The following FOXK1 variants were observed in gnomAD, a reference collection of about 807,000 sequenced individuals.
FOXK1 encodes the protein forkhead box K1.
Under a neutral mutation model 51.9 loss-of-function variants are expected in FOXK1, and 19 were observed. The observed-to-expected ratio is 0.37, with a 90% confidence interval of 0.26 to 0.54. The LOEUF (loss-of-function observed/expected upper bound fraction) is 0.54, where lower values mean the gene tolerates loss of function less well. FOXK1 is among the 20% of genes least tolerant of loss of function. The pLI is 0.87. For synonymous variants in FOXK1, 537 were observed against 482.6 expected (o/e 1.11, Z -1.48); for missense variants, 870 against 1,032.7 (o/e 0.84, Z 2.16).
intron 1 of FOXK1, among the ~76,000 whole-genome samples, chr7:4,693,447 G>T (rs963139415): frequency 6.6e-6 from 1 of 152,152 alleles, no homozygotes; most frequent in Non-Finnish European, 1.5e-5. Flanking sequence ...TTAGTCATTG[G>T]CCTTATTAGC....
chr7:4,710,190 A>G (rs910542564), intron 1 of FOXK1, among the ~76,000 whole-genome samples: 1 of 152,220 alleles, frequency 6.6e-6, no homozygotes, highest in Non-Finnish European at 1.5e-5. Flanking sequence ...TCTAAGCCTC[A>G]GTTTCCTCAG....
chr7:4,754,026 G>A (rs542639178), intron 2 of FOXK1, among the ~76,000 whole-genome samples: 1 of 152,210 alleles, frequency 6.6e-6, no homozygotes, highest in Non-Finnish European at 1.5e-5. Flanking sequence ...GTGACCACAC[G>A]GGGTTGTCCT....
At chr7:4,746,806 G>A (rs1780708292) in intron 2 of FOXK1, among the ~76,000 whole-genome samples, 1 of 152,232 alleles carries the variant, frequency 6.6e-6, no homozygotes, top group South Asian at 2.1e-4. Flanking sequence ...AATCCTGCCT[G>A]GCTGATCTGG....
rs1193745471 is a variant in FOXK1 at position 4,761,739 on chromosome 7, A to C, written c.1922-445A>C. Among the ~76,000 whole-genome samples the C allele has an allele frequency of 6.6e-6, 1 of 152,010 alleles. No individual in the cohort carries two copies. The highest frequency in any genetic ancestry group is 1.5e-5 in the Non-Finnish European group (1 of 68,004). On this transcript the variant is annotated intron_variant, in intron 8 of 8. Transcript: ENST00000328914. The surrounding 1 kb of genome is among the most constrained non-coding windows in gnomAD (Gnocchi z 6.2). ...GGGAAAGAAAACAGGGTGGAAGGAA[A>C]ACCCAGATCTGCCCACTCTCTGGAG...
chr7:4,765,704 C>G lies in FOXK1; in HGVS notation c.*3240C>G, dbSNP rs1325937789. ...TTTGCCCTGTTCGGAAAGGGGCTCC[C>G]TCAGAGCCCCTGGGCCCAGTAACCC... is the stretch of plus-strand genomic sequence containing the variant. On this transcript the variant is annotated 3_prime_UTR_variant, in exon 9 of 9. Transcript: ENST00000328914. The G allele has an allele frequency of 1.3e-5, 2 of 152,258 alleles. No individual in the cohort carries two copies. The highest frequency in any genetic ancestry group is 2.9e-5 in the Non-Finnish European group (2 of 68,066). The allele number at this position is 152,258 out of a possible 1,614,324, so 9.4% of individuals were successfully genotyped here. A position where few individuals can be genotyped will look rare whatever the true frequency, so the allele number is the denominator to read the frequency against.
At chr7:4,738,008 G>A (rs1429387719) in intron 1 of FOXK1, among the ~76,000 whole-genome samples, 1 of 151,988 alleles carries the variant, frequency 6.6e-6, no homozygotes, top group African/African-American at 2.4e-5. Context: ...TGTAGTCCCA[G>A]CTACTCGGGA....
At position 4,748,972 on chromosome 7, in the gene FOXK1, C is replaced by T. The variant is rs923883488; in HGVS notation, c.747-5487C>T. The stretch of plus-strand genomic sequence containing the variant: ...GGGATTACAGGTGTGAGCCACCTCG[C>T]CTGGACCCCCAGGTTCCTGTCCACG... On this transcript the variant is annotated intron_variant, in intron 2 of 8. Transcript: ENST00000328914. This position sits in a 1 kb window ranked among gnomAD's most constrained non-coding sequence, Gnocchi z 4.9. Among the ~76,000 whole-genome samples the T allele has an allele frequency of 6.6e-6, 1 of 152,220 alleles. No homozygotes were observed. The highest frequency in any genetic ancestry group is 1.5e-5 in the Non-Finnish European group (1 of 68,040).
At chr7:4,724,320 C>G (rs1346014233) in intron 1 of FOXK1, among the ~76,000 whole-genome samples, 4 of 152,274 alleles carry the variant, frequency 2.6e-5, no homozygotes, top group African/African-American at 4.8e-5. Context: ...CTCAACCTCT[C>G]GGGTAGCTGG....
In FOXK1 at chr7:4,764,045, A is replaced by T. The variant is rs79845892; in HGVS notation, c.*1581A>T. Reference sequence around the variant, plus strand: ...CCAGGCCCTGGCGGGAGAGCTGCAGAGGGACCCAGGTGCCTGGAGGGCATT... The same window carrying T: ...CCAGGCCCTGGCGGGAGAGCTGCAGTGGGACCCAGGTGCCTGGAGGGCATT... On this transcript the variant is annotated 3_prime_UTR_variant, in exon 9 of 9. Coordinates refer to ENST00000328914, the MANE Select transcript of FOXK1 (RefSeq NM_001037165.2). 7.9e-5 allele frequency: 12 copies of T among 152,566 alleles called. No individual in the cohort carries two copies. In the East Asian group the frequency reaches 2.3e-3, roughly 29 times the overall value. The allele number at this position is 152,566 out of a possible 1,614,324, so 9.5% of individuals were successfully genotyped here. A position where few individuals can be genotyped will look rare whatever the true frequency, so the allele number is the denominator to read the frequency against.
chr7:4,684,676 A>G (rs1779796856), intron 1 of FOXK1, among the ~76,000 whole-genome samples: 1 of 152,156 alleles, frequency 6.6e-6, no homozygotes, highest in Non-Finnish European at 1.5e-5. Flanking sequence ...GGCCCCCCTT[A>G]GAGGCCTGCT....
At chr7:4,692,106 T>G (rs1235674703) in intron 1 of FOXK1, among the ~76,000 whole-genome samples, 4 of 152,140 alleles carry the variant, frequency 2.6e-5, no homozygotes, top group African/African-American at 9.7e-5. Flanking sequence ...TAATAATAAC[T>G]CTATTTCAAA....
chr7:4,713,499 T>G (rs79418719), intron 1 of FOXK1, among the ~76,000 whole-genome samples: 172 of 146,198 alleles, frequency 1.2e-3, no homozygotes, highest in Non-Finnish European at 1.6e-3. Context: ...TTTTTTTTTT[T>G]GTTTTTTTTT....
At chr7:4,704,314 A>G (rs1780055049) in intron 1 of FOXK1, among the ~76,000 whole-genome samples, 1 of 151,722 alleles carries the variant, frequency 6.6e-6, no homozygotes, top group African/African-American at 2.4e-5. Context: ...AGTCGGGCGT[A>G]GTGGGGCACG....
At chr7:4,712,411 A>C (rs1583190673) in intron 1 of FOXK1, among the ~76,000 whole-genome samples, 2 of 152,186 alleles carry the variant, frequency 1.3e-5, no homozygotes, top group African/African-American at 2.4e-5. Context: ...AAGGCTCCGC[A>C]TTCAGACGCC....
intron 2 of FOXK1, among the ~76,000 whole-genome samples, chr7:4,752,320 T>A (rs1384544328): frequency 6.6e-6 from 1 of 152,174 alleles, no homozygotes; most frequent in African/African-American, 2.4e-5. Flanking sequence ...AATGTTAATA[T>A]TTTTGTAGAG....
At chr7:4,750,862 G>C (rs770056082) in intron 2 of FOXK1, among the ~76,000 whole-genome samples, 4 of 151,828 alleles carry the variant, frequency 2.6e-5, no homozygotes, top group Non-Finnish European at 5.9e-5. Flanking sequence ...GCACCACCAC[G>C]TCTGGCTGAT....
rs541558977 is a variant in FOXK1, at chr7:4,758,925, C to T, written c.1245-126C>T. 20 of 1,020,894 alleles carry T rather than the reference C, an allele frequency of 2.0e-5. No individual in the cohort carries two copies. Among genetic ancestry groups the T allele is most frequent in the Non-Finnish European group, 2.5e-5 (18 of 713,448 alleles). The allele number at this position is 1,020,894 out of a possible 1,614,324, so 63.2% of individuals were successfully genotyped here. On this transcript the variant is annotated intron_variant, in intron 5 of 8. Transcript: ENST00000328914. This position sits in a 1 kb window ranked among gnomAD's most constrained non-coding sequence, Gnocchi z 4.4. The stretch of plus-strand genomic sequence containing the variant: ...GGGGGCGTTTCTCACCGTCTGAATG[C>T]GGAGGACAGAGACGAGCTCCAGGGA...
At chr7:4,752,364 C>T (rs1017260490) in intron 2 of FOXK1, among the ~76,000 whole-genome samples, 9 of 152,194 alleles carry the variant, frequency 5.9e-5, no homozygotes, top group Admixed American at 2.6e-4. Context: ...AGGCTAGTTT[C>T]GACCATGTGG....
At chr7:4,701,186 AAACAGCAGGG>A (rs1461235005) in intron 1 of FOXK1, among the ~76,000 whole-genome samples, 3 of 152,200 alleles carry the variant, frequency 2.0e-5, no homozygotes, top group Admixed American at 6.5e-5. Flanking sequence ...GATCAGAGCT[AAACAGCAGGG>A]GTTTGTTTTC....
Sources: allele counts gnomAD v4.1 joint callset (sites outside exome capture counted in the v4.1 genomes callset), GRCh38; gene constraint gnomAD v4.1.1; non-coding constraint Gnocchi (gnomAD v3.1); transcripts MANE v1.5; gene names NCBI Gene and HGNC (gene_info 2026-07-23, HGNC 2026-07-21).